Variants in LPP observed in about 807,000 individuals in gnomAD.
LPP encodes the protein lipoma-preferred partner.
A neutral mutation model predicts 60.4 loss-of-function variants in LPP; 38 were observed. The observed-to-expected ratio is 0.63, with a 90% CI of 0.49 to 0.83. LPP has a LOEUF of 0.83. Among genes scored for constraint, LPP ranks in the 40% least tolerant of loss-of-function variants. LPP has a pLI of 0.00. For synonymous variants in LPP, 328 were observed against 290.8 expected, an observed-to-expected ratio of 1.13 and a Z score of -1.30; for missense variants, 902 against 783.6, an observed-to-expected ratio of 1.15 and a Z score of -1.80.
chr3:188,528,545 C>A (rs1252480103), intron 6 of LPP, among the ~76,000 whole-genome samples: 1 of 152,160 alleles, frequency 6.6e-6, no homozygotes, highest in Non-Finnish European at 1.5e-5. Context: ...TTTGAGGAAT[C>A]TTTCTGAGCA....
chr3:188,246,518 G>A (rs1412070074), intron 2 of LPP, among the ~76,000 whole-genome samples: 1 of 152,128 alleles, frequency 6.6e-6, no homozygotes, highest in Admixed American at 6.5e-5. Context: ...AATCTCTGCT[G>A]ACTTTCCATG....
chr3:188,676,780 AAT>A lies in LPP; in HGVS notation c.1114-31486_1114-31485del, dbSNP rs1858206599. 5.9e-5 allele frequency among the ~76,000 whole-genome samples: 9 copies of A among 152,266 alleles called. No individual in the cohort carries two copies. The South Asian group carries it at 1.9e-3, about 32-fold the overall frequency. ...CGTGGTGGTATTCATGCCTTTGTGTAATTGCCTCCCAATGAGTGTGGGAGGGA... is the reference window on the plus strand; with the variant it reads ...CGTGGTGGTATTCATGCCTTTGTGTATGCCTCCCAATGAGTGTGGGAGGGA... On this transcript the variant is annotated intron_variant, in intron 7 of 11. Transcript: ENST00000617246.
intron 1 of LPP, among the ~76,000 whole-genome samples, chr3:188,188,416 C>A (rs973124156): frequency 6.6e-6 from 1 of 152,150 alleles, no homozygotes; most frequent in African/African-American, 2.4e-5. Context: ...TTAAAGGAGT[C>A]CCCAGGGGTC....
In LPP at chr3:188,203,179, T is replaced by TTTATATA. The variant is rs566350233; in HGVS notation, c.-189-22210_-189-22204dup. On this transcript the variant is annotated intron_variant, in intron 1 of 11. Transcript: ENST00000617246. The stretch of plus-strand genomic sequence containing the variant: ...ATATTGTAATTAAATTATATATAAT[T>TTTATATA]TTATATATTATATATTATATATATT... Among the ~76,000 whole-genome samples the TTTATATA allele has an allele frequency of 8.9e-5, 12 of 135,174 alleles. 1 individual carries two copies. The South Asian group carries it at 2.4e-3, about 27-fold the overall frequency. The allele number at this position is 135,174 out of a possible 152,430, so 88.7% of individuals were successfully genotyped here.
intron 6 of LPP, among the ~76,000 whole-genome samples, chr3:188,588,779 G>A (rs1396351419): frequency 6.6e-6 from 1 of 152,070 alleles, no homozygotes; most frequent in Non-Finnish European, 1.5e-5. Flanking sequence ...CTGGAAACAG[G>A]ATCCACCCTT....
intron 9 of LPP, among the ~76,000 whole-genome samples, chr3:188,776,279 T>C (rs1228714129): frequency 6.6e-6 from 1 of 152,164 alleles, no homozygotes; most frequent in Non-Finnish European, 1.5e-5. Flanking sequence ...ATGCAGCATT[T>C]GAGCAAAGCC....
At chr3:188,510,354 ATCACG>A (rs564816082) in intron 5 of LPP, among the ~76,000 whole-genome samples, 25 of 152,198 alleles carry the variant, frequency 1.6e-4, no homozygotes, top group Non-Finnish European at 3.2e-4. Flanking sequence ...GTGCTGTGGA[ATCACG>A]TTCATTTCTG....
At chr3:188,231,036 G>T (rs1719761195) in intron 2 of LPP, among the ~76,000 whole-genome samples, 1 of 152,004 alleles carries the variant, frequency 6.6e-6, no homozygotes. Context: ...CTCTCTATAG[G>T]GCAGCTCACA....
At chr3:188,468,442 G>A (rs1009998395) in intron 4 of LPP, among the ~76,000 whole-genome samples, 13 of 152,174 alleles carry the variant, frequency 8.5e-5, no homozygotes, top group African/African-American at 3.1e-4. Flanking sequence ...AAAAACAGGA[G>A]GTGGTCTGGA....
intron 6 of LPP, among the ~76,000 whole-genome samples, chr3:188,582,263 C>T (rs13063967): frequency 0.68 from 101,306 of 149,676 alleles, 34,699 homozygotes; most frequent in East Asian, 0.87. Context: ...CAGGTTCAAA[C>T]GATTCTCTTG....
intron 8 of LPP, among the ~76,000 whole-genome samples, chr3:188,724,114 T>G (rs966598899): frequency 2.6e-5 from 4 of 152,250 alleles, no homozygotes; most frequent in Non-Finnish European, 5.9e-5. Flanking sequence ...CTATTTAGTA[T>G]GAGTTCTACA....
intron 9 of LPP, among the ~76,000 whole-genome samples, chr3:188,776,567 T>A (rs568102530): frequency 6.6e-6 from 1 of 152,302 alleles, no homozygotes; most frequent in South Asian, 2.1e-4. Context: ...TGATGGCATC[T>A]TAATGGAATT....
chr3:188,870,652 A>T (rs1433918497), intron 10 of LPP, among the ~76,000 whole-genome samples: 1 of 152,220 alleles, frequency 6.6e-6, no homozygotes, highest in Non-Finnish European at 1.5e-5. Flanking sequence ...TTAATCATCG[A>T]AAGTTGTTTT....
intron 2 of LPP, among the ~76,000 whole-genome samples, chr3:188,278,061 A>G (rs1196209630): frequency 6.6e-6 from 1 of 152,158 alleles, no homozygotes; most frequent in Non-Finnish European, 1.5e-5. Context: ...TTCGATCATG[A>G]TAATTTGCAT....
intron 7 of LPP, among the ~76,000 whole-genome samples, chr3:188,657,280 A>ATATATATATATATATATATATATT (rs1853493191): frequency 2.8e-5 from 4 of 144,298 alleles, no homozygotes; most frequent in Non-Finnish European, 4.5e-5. Flanking sequence ...ATATATATAT[A>ATATATATATATATATATATATATT]TTTCCAAAAG....
chr3:188,804,744 G>A (rs112105839), intron 9 of LPP, among the ~76,000 whole-genome samples: 30 of 152,216 alleles, frequency 2.0e-4, no homozygotes, highest in African/African-American at 7.2e-4. Flanking sequence ...TTGAATGGAA[G>A]TGGTGAACAT....
At position 188,782,230 on chromosome 3, in the gene LPP, A is replaced by G. The variant is rs373757487; in HGVS notation, c.1410+21948A>G. Among the ~76,000 whole-genome samples the G allele has an allele frequency of 4.6e-5, 7 of 152,332 alleles. No individual in the cohort carries two copies. The South Asian group carries it at 1.5e-3, about 32-fold the overall frequency. On this transcript the variant is annotated intron_variant, in intron 9 of 11. Transcript: ENST00000617246. ...TCCAGTTGCAAATTCACATCAGGAA[A>G]TATCAAATCCAAAGATCAAAACTCA...
chr3:188,607,211 A>G (rs566790670), intron 6 of LPP, among the ~76,000 whole-genome samples: 1 of 150,142 alleles, frequency 6.7e-6, no homozygotes, highest in African/African-American at 2.4e-5. Context: ...ACAGGGCACA[A>G]TTTCAGGAGC....
intron 8 of LPP, among the ~76,000 whole-genome samples, chr3:188,715,340 T>C (rs189953395): frequency 2.6e-5 from 3 of 117,096 alleles, no homozygotes; most frequent in Non-Finnish European, 4.8e-5. Flanking sequence ...ATCGTGCCAC[T>C]GCACTCCAGC....
Sources: allele counts gnomAD v4.1 joint callset (sites outside exome capture counted in the v4.1 genomes callset), GRCh38; gene constraint gnomAD v4.1.1; transcripts MANE v1.5; gene names NCBI Gene and HGNC (gene_info 2026-07-23, HGNC 2026-07-21).